The following TMEM45A variants were observed in gnomAD, a reference collection of about 807,000 sequenced individuals.
TMEM45A encodes the protein transmembrane protein 45A, also known as DNA polymerase-transactivated protein 4.
Under a neutral mutation model 32.0 loss-of-function variants are expected in TMEM45A, and 25 were observed. That is an observed-to-expected ratio of 0.78 (90% CI 0.57 to 1.09). TMEM45A has a LOEUF of 1.09. TMEM45A is among the 50% of genes least tolerant of loss of function. The probability of loss-of-function intolerance (pLI) is 0.00; values close to 1 mark genes in which losing one functional copy is unlikely to be tolerated. For synonymous variants in TMEM45A, 122 were observed against 114.8 expected (o/e 1.06, Z -0.40); for missense variants, 302 against 325.0 (o/e 0.93, Z 0.54).
At chr3:100,528,166 G>A (rs1437584901) in intron 1 of TMEM45A, among the ~76,000 whole-genome samples, 1 of 152,160 alleles carries the variant, frequency 6.6e-6, no homozygotes, top group Non-Finnish European at 1.5e-5. Flanking sequence ...TGTCCACAGT[G>A]GTGCCAAGGG....
At chr3:100,528,828 A>G (rs901565569) in intron 1 of TMEM45A, among the ~76,000 whole-genome samples, 6 of 152,248 alleles carry the variant, frequency 3.9e-5, no homozygotes, top group Non-Finnish European at 7.3e-5. Flanking sequence ...AATTTATTCC[A>G]AAAGCATGCA....
intron 1 of TMEM45A, among the ~76,000 whole-genome samples, chr3:100,511,299 A>G (rs1708156248): frequency 1.3e-5 from 2 of 152,362 alleles, no homozygotes; most frequent in South Asian, 4.1e-4. Flanking sequence ...ACGAGCCAGA[A>G]GAGAGTGGGG....
chr3:100,539,235 T>C (rs1054172442), intron 1 of TMEM45A, among the ~76,000 whole-genome samples: 1 of 152,104 alleles, frequency 6.6e-6, no homozygotes, highest in African/African-American at 2.4e-5. Context: ...AAGTATGGTG[T>C]TGGTGAAAGA....
chr3:100,513,123 T>C (rs375821839), intron 1 of TMEM45A, among the ~76,000 whole-genome samples: 2 of 149,698 alleles, frequency 1.3e-5, no homozygotes, highest in African/African-American at 2.5e-5. Context: ...TAACTCATTT[T>C]ATGAGGCCAG....
Position 100,573,051 on chromosome 3 carries a change from T to C in TMEM45A, c.735-3874T>C, listed in dbSNP as rs1465759560. 6 of 151,190 alleles carry C rather than the reference T, an allele frequency of 4.0e-5. No individual in the cohort carries two copies. The South Asian group carries it at 1.3e-3, about 32-fold the overall frequency. The allele number at this position is 151,190 out of a possible 1,614,324, so 9.4% of individuals were successfully genotyped here. On this transcript the variant is annotated intron_variant, in intron 5 of 5. Transcript: ENST00000323523. ...AGGTAGCATGATGCCTCCAGCTTTGTTCTTTTGGCTTAGGATTGACTTGGC... is the reference window on the plus strand; with the variant it reads ...AGGTAGCATGATGCCTCCAGCTTTGCTCTTTTGGCTTAGGATTGACTTGGC...
chr3:100,575,383 T>C (rs1477109087), intron 5 of TMEM45A, among the ~76,000 whole-genome samples: 2 of 140,174 alleles, frequency 1.4e-5, no homozygotes, highest in East Asian at 4.0e-4. Context: ...TTTTTTTTTT[T>C]TTTTTTTGAG....
In TMEM45A at chr3:100,556,945, ATGT is replaced by A. The variant is rs1177288128; in HGVS notation, c.380_382del (p.Leu127del). 1.2e-6 allele frequency: 2 copies of A among 1,614,184 alleles called. No homozygotes were observed. The highest frequency in any genetic ancestry group is 2.2e-5 in the South Asian group (2 of 91,088). On this transcript the variant is annotated inframe_deletion, in exon 3 of 6. Coordinates refer to ENST00000323523, the MANE Select transcript of TMEM45A (RefSeq NM_018004.3). ...ACTTCCTGTGTCCTTAACCAAGTTA[ATGT>A]TGTCAAATGCCTTATTTGTGGAGGG...
Position 100,575,363 on chromosome 3 carries a change from C to CTT in TMEM45A, c.735-1536_735-1535dup, listed in dbSNP as rs59739893. 1.4e-3 allele frequency among the ~76,000 whole-genome samples: 86 copies of CTT among 62,760 alleles called. 3 individuals are homozygous for CTT. The highest frequency in any genetic ancestry group is 2.5e-3 in the African/African-American group (47 of 18,630). The allele number at this position is 62,760 out of a possible 152,430, so 41.2% of individuals were successfully genotyped here. ...TGCTTCCCCCAGGCCTATGGATTCT[C>CTT]TTTTTTTTTTTTTTTTTTTTTTTTT... On this transcript the variant is annotated intron_variant, in intron 5 of 5. Transcript: ENST00000323523.
intron 4 of TMEM45A, among the ~76,000 whole-genome samples, chr3:100,560,264 T>C (rs1189392050): frequency 5.9e-5 from 9 of 151,570 alleles, no homozygotes; most frequent in Middle Eastern, 3.4e-3. Flanking sequence ...TCTCTCTCTT[T>C]TTTTTTTTTT....
In TMEM45A at chr3:100,568,848, T is replaced by A. The variant is rs1301372484; in HGVS notation, c.615T>A (p.Ser205Arg). ...TTGGATTTGTCCTGTATCCCCCCAG[T>A]GGAGGTCCTGCATGGGATCTGATGG... ...FQIGFVLYPP[S>R]GGPAWDLMDH... is the part of the protein sequence containing the mutation. Residue 205 changes from serine (S) to arginine (R), a missense_variant, in exon 5 of 6, where the codon AGT becomes AGA. Coordinates refer to ENST00000323523, the MANE Select transcript of TMEM45A (RefSeq NM_018004.3). 6.2e-7 allele frequency: 1 copy of A among 1,613,448 alleles called. No homozygotes were observed. The highest frequency in any genetic ancestry group is 1.3e-5 in the African/African-American group (1 of 75,048).
chr3:100,498,830 C>T (rs918828774), intron 1 of TMEM45A, among the ~76,000 whole-genome samples: 4 of 152,168 alleles, frequency 2.6e-5, no homozygotes, highest in Non-Finnish European at 5.9e-5. Flanking sequence ...TTTTATTTTA[C>T]ATCCCTACAG....
intron 1 of TMEM45A, among the ~76,000 whole-genome samples, chr3:100,517,071 G>C (rs953949065): frequency 3.9e-5 from 6 of 152,024 alleles, no homozygotes; most frequent in Admixed American, 1.3e-4. Context: ...CACTGATGGT[G>C]CTGAATCATG....
At chr3:100,526,797 C>T (rs1451071300) in intron 1 of TMEM45A, among the ~76,000 whole-genome samples, 3 of 152,170 alleles carry the variant, frequency 2.0e-5, no homozygotes, top group African/African-American at 7.2e-5. Flanking sequence ...AAAGAACAGA[C>T]TGTCTTAGAG....
chr3:100,550,708 C>T (rs1706079381), intron 1 of TMEM45A, among the ~76,000 whole-genome samples: 1 of 152,202 alleles, frequency 6.6e-6, no homozygotes. Flanking sequence ...GGAATTAACA[C>T]CTAGCACCTG....
intron 1 of TMEM45A, among the ~76,000 whole-genome samples, chr3:100,529,046 A>G (rs946676180): frequency 6.6e-6 from 1 of 152,192 alleles, no homozygotes; most frequent in African/African-American, 2.4e-5. Flanking sequence ...CCTACCAAGG[A>G]CAAGAATTTT....
rs1706233598 is a variant in TMEM45A at position 100,556,924 on chromosome 3, C to T, written c.355C>T (p.Pro119Ser). ...CTTATGTTTCACCATCAGTTCACTTCCTGTGTCCTTAACCAAGTTAATGTT... is the reference window on the plus strand; with the variant it reads ...CTTATGTTTCACCATCAGTTCACTTTCTGTGTCCTTAACCAAGTTAATGTT... ...DILCFTISSLPVSLTKLMLSN... is the reference protein window; with the variant it reads ...DILCFTISSLSVSLTKLMLSN... Residue 119 changes from proline (P) to serine (S), a missense_variant, in exon 3 of 6, where the codon CCT (proline) becomes TCT (serine). Transcript: ENST00000323523. 1 of 1,614,170 alleles carries T rather than the reference C, an allele frequency of 6.2e-7. No individual in the cohort carries two copies. Among genetic ancestry groups the T allele is most frequent in the Non-Finnish European group, 8.5e-7 (1 of 1,180,002 alleles).
intron 1 of TMEM45A, among the ~76,000 whole-genome samples, chr3:100,501,618 G>A (rs1420693861): frequency 6.6e-6 from 1 of 152,182 alleles, no homozygotes; most frequent in East Asian, 1.9e-4. Context: ...TTATCCTGTT[G>A]CCTTATTCCC....
At chr3:100,517,365 C>A (rs1224130863) in intron 1 of TMEM45A, among the ~76,000 whole-genome samples, 2 of 152,168 alleles carry the variant, frequency 1.3e-5, no homozygotes, top group African/African-American at 4.8e-5. Flanking sequence ...GGATTATAGG[C>A]ATAAGCCACC....
At chr3:100,550,096 G>A (rs1222888753) in intron 1 of TMEM45A, among the ~76,000 whole-genome samples, 1 of 150,046 alleles carries the variant, frequency 6.7e-6, no homozygotes, top group Non-Finnish European at 1.5e-5. Flanking sequence ...CCTAATGCTA[G>A]ATGACGAGTT....
Sources: gnomAD v4.1 joint callset for allele counts (sites outside exome capture counted in the v4.1 genomes callset) on GRCh38, gnomAD v4.1.1 for gene constraint, MANE v1.5 for transcripts, NCBI Gene and HGNC (gene_info 2026-07-23, HGNC 2026-07-21) for gene names.